Variants in POLN observed in about 807,000 individuals in gnomAD.
POLN encodes the protein DNA polymerase N.
POLN carries 108 observed loss-of-function variants against 113.5 expected under a neutral mutation model. That is an observed-to-expected ratio of 0.95 (90% CI 0.81 to 1.12). The LOEUF (loss-of-function observed/expected upper bound fraction) is 1.12, where lower values mean the gene tolerates loss of function less well. POLN is among the 50% of genes most tolerant of loss of function. The probability of loss-of-function intolerance (pLI) is 0.00; values close to 1 mark genes in which losing one functional copy is unlikely to be tolerated. For synonymous variants in POLN, 386 were observed against 391.5 expected (o/e 0.99, Z 0.17); for missense variants, 1,097 against 1,077.1 (o/e 1.02, Z -0.26).
intron 6 of POLN, among the ~76,000 whole-genome samples, chr4:2,195,265 G>A (rs1190415496): frequency 1.3e-5 from 2 of 152,044 alleles, no homozygotes; most frequent in Non-Finnish European, 2.9e-5. Context: ...TAAAAATTAA[G>A]CCTCAACATT....
chr4:2,239,171 CA>C lies in POLN; in HGVS notation c.-13+2348del, dbSNP rs1280257888. 2.9e-5 allele frequency: 15 copies of C among 519,510 alleles called. No individual in the cohort carries two copies. The East Asian group carries it at 4.3e-4, about 15-fold the overall frequency. 32.2% of individuals were successfully genotyped at this position (519,510 alleles called of 1,614,324 possible). On this transcript the variant is annotated intron_variant, in intron 2 of 25. Transcript: ENST00000511885. ...AATGAATGAAAACTAATTTAATATT[CA>C]TATAAACAAAAATTACAGTTTAAAA...
At chr4:2,124,740 A>G (rs915109597) in intron 19 of POLN, among the ~76,000 whole-genome samples, 12 of 152,118 alleles carry the variant, frequency 7.9e-5, no homozygotes, top group African/African-American at 2.9e-4. Flanking sequence ...CACACCCACA[A>G]AGACCCTGTG....
intron 16 of POLN, among the ~76,000 whole-genome samples, chr4:2,146,449 G>A (rs1476004237): frequency 1.3e-5 from 2 of 152,200 alleles, no homozygotes; most frequent in Non-Finnish European, 2.9e-5. Flanking sequence ...AGGTTGCAGT[G>A]AGCCAAGATT....
intron 2 of POLN, 145 bp from the exon 3 acceptor site, chr4:2,229,388 T>C (rs1263371967): frequency 1.6e-6 from 1 of 623,992 alleles, no homozygotes; most frequent in Non-Finnish European, 2.5e-6. Context: ...GCATCAATCA[T>C]CCAATAATAT....
chr4:2,231,430 T>A (rs1323478810), intron 2 of POLN: 1 of 152,768 alleles, frequency 6.5e-6, no homozygotes, highest in Non-Finnish European at 1.5e-5. Flanking sequence ...AAACCCCTTT[T>A]CTACTAAAAT....
At chr4:2,088,784 G>T in intron 20 of POLN, 3 of 1,333,164 alleles carry the variant, frequency 2.3e-6, no homozygotes, top group East Asian at 2.5e-5. Flanking sequence ...GAAGTCAAAT[G>T]GTATTATCGC....
intron 23 of POLN, among the ~76,000 whole-genome samples, chr4:2,077,845 G>T (rs1045274046): frequency 4.6e-5 from 7 of 152,206 alleles, no homozygotes; most frequent in Admixed American, 1.3e-4. Flanking sequence ...GAAAGAAGAA[G>T]GACGTCTGTC....
intron 6 of POLN, among the ~76,000 whole-genome samples, chr4:2,197,708 A>G (rs1433142899): frequency 6.6e-6 from 1 of 152,196 alleles, no homozygotes; most frequent in African/African-American, 2.4e-5. Flanking sequence ...GCTGAATGCT[A>G]TGTTTGTCAC....
At position 2,077,719 on chromosome 4, in the gene POLN, C is replaced by T. The variant is rs948538324; in HGVS notation, c.2388-2200G>A. 2.0e-5 allele frequency among the ~76,000 whole-genome samples: 3 copies of T among 152,244 alleles called. No individual in the cohort carries two copies. The South Asian group carries it at 6.2e-4, about 32-fold the overall frequency. On this transcript the variant is annotated intron_variant, in intron 23 of 25. Transcript: ENST00000511885. ...CTTCTTGAAATTACATTGTGAAATT[C>T]TGAGCTGCTGGTGTGGCAGGAACCT...
At chr4:2,085,991 T>C (rs1560975116) in intron 20 of POLN, among the ~76,000 whole-genome samples, 1 of 152,128 alleles carries the variant, frequency 6.6e-6, no homozygotes, top group Non-Finnish European at 1.5e-5. Context: ...GGTGATGAAG[T>C]AGACATGGTC....
At chr4:2,165,641 C>T (rs7699115) in intron 13 of POLN, among the ~76,000 whole-genome samples, 19,166 of 152,058 alleles carry the variant, frequency 0.13, 1,749 homozygotes, top group East Asian at 0.35. Context: ...CTGACTGTAA[C>T]GATGGTACCA....
At chr4:2,080,094 C>T (rs563463981) in intron 23 of POLN, 407 of 985,286 alleles carry the variant, frequency 4.1e-4, no homozygotes, top group Non-Finnish European at 4.7e-4. Context: ...AGGGGCCCTT[C>T]GGGGACTGAC....
chr4:2,104,360 G>C (rs978154963), intron 19 of POLN, among the ~76,000 whole-genome samples: 1 of 152,150 alleles, frequency 6.6e-6, no homozygotes, highest in Non-Finnish European at 1.5e-5. Context: ...TATCATGTAC[G>C]AGTTTTTGTG....
intron 3 of POLN, among the ~76,000 whole-genome samples, chr4:2,217,573 T>A (rs1025578090): frequency 2.0e-5 from 3 of 152,252 alleles, no homozygotes; most frequent in Admixed American, 6.5e-5. Flanking sequence ...TCACTTGATG[T>A]CACCATGGCC....
intron 21 of POLN, 69 bp downstream of exon 21, chr4:2,085,544 G>A (rs1413440527): frequency 3.0e-5 from 48 of 1,591,266 alleles, no homozygotes; most frequent in African/African-American, 4.0e-5. Flanking sequence ...CACCAACCAC[G>A]CAGCTGTCCC....
intron 4 of POLN, among the ~76,000 whole-genome samples, chr4:2,210,630 T>A (rs11733627): frequency 0.088 from 7,767 of 88,530 alleles, 302 homozygotes; most frequent in Non-Finnish European, 0.1. Flanking sequence ...ATAATAATAA[T>A]AAAAAAAAGA....
chr4:2,231,513 C>A (rs1734578364), intron 2 of POLN: 1 of 155,006 alleles, frequency 6.5e-6, no homozygotes, highest in African/African-American at 2.4e-5. Context: ...GCAGGAGAAT[C>A]ACTTGAACCC....
At chr4:2,135,538 G>A (rs1315580858) in intron 16 of POLN, among the ~76,000 whole-genome samples, 1 of 152,176 alleles carries the variant, frequency 6.6e-6, no homozygotes. Context: ...CGTCCCTAAC[G>A]CCTCATGAGC....
chr4:2,229,951 G>C (rs1325368686), intron 2 of POLN: 1 of 152,308 alleles, frequency 6.6e-6, no homozygotes, highest in African/African-American at 2.4e-5. Context: ...GATCTGCCCT[G>C]CTGGCCCCCT....
Sources: gnomAD v4.1 joint callset for allele counts (sites outside exome capture counted in the v4.1 genomes callset) on GRCh38, gnomAD v4.1.1 for gene constraint, MANE v1.5 for transcripts, NCBI Gene and HGNC (gene_info 2026-07-23, HGNC 2026-07-21) for gene names.